MCTP1: variants seen among roughly 807,000 people sequenced by gnomAD.
The protein encoded by MCTP1 is multiple C2 and transmembrane domain-containing protein 1.
MCTP1 carries 69 observed loss-of-function variants against 120.6 expected under a neutral mutation model. That is an observed-to-expected ratio of 0.57 (90% CI 0.47 to 0.70). MCTP1 has a LOEUF of 0.70. MCTP1 is among the 30% of genes least tolerant of loss of function. MCTP1 has a pLI of 0.00. For missense variants in MCTP1, 1,203 were observed against 1,248.8 expected (o/e 0.96, Z 0.55); for synonymous variants, 529 against 493.1 (o/e 1.07, Z -0.96).
At chr5:95,013,184 C>T (rs1416321292) in intron 2 of MCTP1, among the ~76,000 whole-genome samples, 1 of 152,120 alleles carries the variant, frequency 6.6e-6, no homozygotes, top group Non-Finnish European at 1.5e-5. Flanking sequence ...TAACTCTCTT[C>T]AATTCTATGA....
intron 17 of MCTP1, among the ~76,000 whole-genome samples, chr5:94,844,295 C>T (rs1300606201): frequency 3.7e-5 from 2 of 54,086 alleles, no homozygotes; most frequent in Admixed American, 4.6e-4. Flanking sequence ...GAGTGAGACT[C>T]TGTCTCAAAA....
At chr5:95,119,898 C>T (rs1434381629) in intron 1 of MCTP1, among the ~76,000 whole-genome samples, 4 of 151,986 alleles carry the variant, frequency 2.6e-5, no homozygotes, top group African/African-American at 4.8e-5. Flanking sequence ...AGCAGCCGGG[C>T]GCGGTGGCTC....
chr5:94,931,219 A>C (rs145528644), intron 6 of MCTP1: 1 of 152,292 alleles, frequency 6.6e-6, no homozygotes, highest in African/African-American at 2.4e-5. Context: ...GGGTCTAAAA[A>C]AATTAGTCAT....
At chr5:94,984,700 C>T (rs980433093) in intron 2 of MCTP1, among the ~76,000 whole-genome samples, 2 of 152,096 alleles carry the variant, frequency 1.3e-5, no homozygotes, top group African/African-American at 4.8e-5. Flanking sequence ...TGATAGATGG[C>T]TTTTCTTCTC....
intron 1 of MCTP1, among the ~76,000 whole-genome samples, chr5:95,026,486 C>G (rs1263360236): frequency 6.6e-6 from 1 of 152,168 alleles, no homozygotes; most frequent in Non-Finnish European, 1.5e-5. Flanking sequence ...TCCTTCTACT[C>G]TCTATCTCCA....
chr5:95,126,827 C>T (rs746603907), intron 1 of MCTP1, among the ~76,000 whole-genome samples: 3 of 151,884 alleles, frequency 2.0e-5, no homozygotes, highest in Non-Finnish European at 2.9e-5. Context: ...ACTCAATGTG[C>T]CCAACTCATT....
At chr5:95,050,473 C>T (rs1216865336) in intron 1 of MCTP1, among the ~76,000 whole-genome samples, 2 of 152,118 alleles carry the variant, frequency 1.3e-5, no homozygotes, top group Non-Finnish European at 2.9e-5. Context: ...ATGAAGCCAT[C>T]GGACATCACC....
intron 2 of MCTP1, among the ~76,000 whole-genome samples, chr5:94,975,505 T>G (rs1024994200): frequency 6.6e-6 from 1 of 152,004 alleles, no homozygotes; most frequent in African/African-American, 2.4e-5. Context: ...TGCTGGCACC[T>G]TGATCTTAGA....
chr5:95,270,225 A>G (rs1194765580), intron 1 of MCTP1, among the ~76,000 whole-genome samples: 1 of 152,148 alleles, frequency 6.6e-6, no homozygotes, highest in Non-Finnish European at 1.5e-5. Flanking sequence ...GGCACAACCT[A>G]CTTCAGGCAG....
chr5:94,909,923 A>G (rs927186528), intron 9 of MCTP1, among the ~76,000 whole-genome samples: 4 of 151,998 alleles, frequency 2.6e-5, no homozygotes, highest in Admixed American at 2.0e-4. Flanking sequence ...TTTATCTTAG[A>G]CTTATAGCAC....
chr5:94,915,673 G>T (rs1191732540), intron 8 of MCTP1, among the ~76,000 whole-genome samples: 2 of 151,754 alleles, frequency 1.3e-5, no homozygotes, highest in African/African-American at 4.8e-5. Context: ...TGGTTTTTTT[G>T]TTTGTTTGTT....
At chr5:95,136,538 A>T (rs1759460291) in intron 1 of MCTP1, among the ~76,000 whole-genome samples, 1 of 152,158 alleles carries the variant, frequency 6.6e-6, no homozygotes, top group Non-Finnish European at 1.5e-5. Context: ...GACAGGGAAA[A>T]TTCAAGGGGG....
chr5:95,103,480 A>T (rs1013214645), intron 1 of MCTP1, among the ~76,000 whole-genome samples: 2 of 152,216 alleles, frequency 1.3e-5, no homozygotes, highest in Non-Finnish European at 2.9e-5. Context: ...GGCAGAGAAA[A>T]TAGCAGAGCC....
chr5:94,959,472 G>A (rs1306452994), intron 2 of MCTP1, among the ~76,000 whole-genome samples: 1 of 152,200 alleles, frequency 6.6e-6, no homozygotes, highest in Non-Finnish European at 1.5e-5. Flanking sequence ...AAAAGAGGAA[G>A]TCAAATTATC....
chr5:94,867,426 C>T (rs1797036522), intron 17 of MCTP1: 1 of 1,076,868 alleles, frequency 9.3e-7, no homozygotes, highest in Middle Eastern at 2.0e-4. Flanking sequence ...GATGTGCATA[C>T]ACTCATTTGA....
intron 11 of MCTP1, among the ~76,000 whole-genome samples, chr5:94,889,783 C>CACAA (rs1208115681): frequency 8.0e-5 from 12 of 149,604 alleles, no homozygotes; most frequent in Admixed American, 8.0e-4. Context: ...CACACACACA[C>CACAA]CCCTCTATGT....
Position 94,940,076 on chromosome 5 carries a change from G to T in MCTP1, c.1173+8C>A. ...AAAGAGCTCCTACTAGGCTGTGGGG[G>T]AACTTACCACATCCCTGGACTCTCC... On this transcript the variant is annotated splice_region_variant and intron_variant, in intron 5 of 22. Coordinates refer to ENST00000515393, the MANE Select transcript of MCTP1 (RefSeq NM_024717.7). The T allele has an allele frequency of 6.6e-7, 1 of 1,524,794 alleles. No homozygotes were observed. Among genetic ancestry groups the T allele is most frequent in the South Asian group, 1.2e-5 (1 of 86,670 alleles). The allele number at this position is 1,524,794 out of a possible 1,614,324, so 94.5% of individuals were successfully genotyped here.
intron 19 of MCTP1, among the ~76,000 whole-genome samples, chr5:94,770,685 A>G (rs1483821895): frequency 6.6e-6 from 1 of 152,218 alleles, no homozygotes; most frequent in Non-Finnish European, 1.5e-5. Flanking sequence ...GTAGAAACCC[A>G]CCACCAGCCG....
chr5:94,802,212 A>C (rs997098156), intron 17 of MCTP1, among the ~76,000 whole-genome samples: 1 of 152,234 alleles, frequency 6.6e-6, no homozygotes, highest in Non-Finnish European at 1.5e-5. Context: ...TTTTTAAAAC[A>C]TGAGAGCTTT....
Sources: allele counts gnomAD v4.1 joint callset (sites outside exome capture counted in the v4.1 genomes callset), GRCh38; gene constraint gnomAD v4.1.1; transcripts MANE v1.5; gene names NCBI Gene and HGNC (gene_info 2026-07-23, HGNC 2026-07-21).